Variants in ARMC2 observed in about 807,000 individuals in gnomAD.
ARMC2 encodes armadillo repeat containing 2, also known as armadillo repeat-containing protein 2.
In ARMC2, 67 loss-of-function variants were observed where a neutral mutation model predicts 90.3. The observed-to-expected ratio is 0.74, with a 90% CI of 0.61 to 0.91. The LOEUF is 0.91. Ranked by LOEUF, ARMC2 falls within the 40% of genes least tolerant of loss-of-function variation. ARMC2 has a pLI of 0.00. For missense variants in ARMC2, 920 were observed against 1,030.9 expected, an observed-to-expected ratio of 0.89 and a Z score of 1.47; for synonymous variants, 393 against 393.0, an observed-to-expected ratio of 1.00 and a Z score of 0.00.
chr6:108,909,538 T>C (rs959473716), intron 8 of ARMC2, among the ~76,000 whole-genome samples: 7 of 152,090 alleles, frequency 4.6e-5, no homozygotes, highest in Middle Eastern at 3.2e-3. Context: ...AATTTTCTTT[T>C]CTTTTTTTAT....
the ARMC2 span, among the ~76,000 whole-genome samples, chr6:109,034,949 T>C: frequency 1.3e-5 from 2 of 152,204 alleles, no homozygotes; most frequent in Admixed American, 1.3e-4. Context: ...AGGGTTTCTG[T>C]CACTGGAAGC....
At position 108,911,013 on chromosome 6, in the gene ARMC2, TC is replaced by T; in HGVS notation, c.1126+13del. ...TGACAGCATTCTGGGTGAGTGTCAT[TC>T]AGTGCTACTATTGAGCAAATGCTGT... On this transcript the variant is annotated intron_variant, in intron 9 of 17. Coordinates refer to ENST00000392644, the MANE Select transcript of ARMC2 (RefSeq NM_032131.6). 1 of 1,491,664 alleles carries T rather than the reference TC, an allele frequency of 6.7e-7. No individual in the cohort carries two copies. Among genetic ancestry groups the T allele is most frequent in the Non-Finnish European group, 9.2e-7 (1 of 1,088,264 alleles). 92.4% of individuals were successfully genotyped at this position (1,491,664 alleles called of 1,614,324 possible). A position where few individuals can be genotyped will look rare whatever the true frequency, so the allele number is the denominator to read the frequency against.
chr6:108,990,037 C>G, the ARMC2 span, among the ~76,000 whole-genome samples: 4 of 152,174 alleles, frequency 2.6e-5, no homozygotes, highest in African/African-American at 9.6e-5. Flanking sequence ...TGACCAGAGT[C>G]TCTGATAATA....
intron 10 of ARMC2, among the ~76,000 whole-genome samples, chr6:108,916,697 A>T (rs1459018204): frequency 6.6e-6 from 1 of 152,162 alleles, no homozygotes; most frequent in East Asian, 1.9e-4. Flanking sequence ...GGAAAGAGGG[A>T]CTTGTCAGTG....
chr6:108,851,190 G>T (rs1385937371), intron 1 of ARMC2, among the ~76,000 whole-genome samples: 1 of 152,056 alleles, frequency 6.6e-6, no homozygotes, highest in Admixed American at 6.6e-5. Flanking sequence ...ATGTCTTGAT[G>T]CTCTGCGCTG....
At chr6:108,879,179 CCCACCTAT>C (rs1379575941) in intron 5 of ARMC2, among the ~76,000 whole-genome samples, 1 of 150,004 alleles carries the variant, frequency 6.7e-6, no homozygotes, top group African/African-American at 2.5e-5. Flanking sequence ...CACCCATCCA[CCCACCTAT>C]CCACCTATCC....
intron 5 of ARMC2, among the ~76,000 whole-genome samples, chr6:108,878,756 C>T (rs145147168): frequency 6.6e-6 from 1 of 152,264 alleles, no homozygotes; most frequent in African/African-American, 2.4e-5. Flanking sequence ...TCTCCATATG[C>T]CCATTTAGGG....
rs146805632 is a variant in ARMC2 at position 108,971,878 on chromosome 6, G to A, written c.2447-1479G>A. 3.5e-3 allele frequency among the ~76,000 whole-genome samples: 526 copies of A among 148,574 alleles called. 5 individuals carry two copies. Among genetic ancestry groups the A allele is most frequent in the African/African-American group, 0.012 (486 of 40,076 alleles). Reference sequence around the variant, plus strand: ...AGAGGTTGCAGTGAGCCGAGACTGCGCCACTGCACTCCAGCCTGGGTGACA... The same window carrying A: ...AGAGGTTGCAGTGAGCCGAGACTGCACCACTGCACTCCAGCCTGGGTGACA... On this transcript the variant is annotated intron_variant, in intron 17 of 17. Transcript: ENST00000392644.
intron 5 of ARMC2, among the ~76,000 whole-genome samples, chr6:108,882,175 G>A (rs1046254330): frequency 6.6e-5 from 10 of 151,664 alleles, no homozygotes; most frequent in South Asian, 2.1e-4. Context: ...GGTGGCTCAC[G>A]CCTGTAATCC....
chr6:108,918,170 G>C (rs1307544867), intron 10 of ARMC2, among the ~76,000 whole-genome samples: 1 of 152,088 alleles, frequency 6.6e-6, no homozygotes, highest in Non-Finnish European at 1.5e-5. Flanking sequence ...AAGAGCAGAG[G>C]GACTGATGAC....
At chr6:108,935,085 C>G (rs1775851581) in intron 11 of ARMC2, among the ~76,000 whole-genome samples, 1 of 152,142 alleles carries the variant, frequency 6.6e-6, no homozygotes, top group Non-Finnish European at 1.5e-5. Context: ...TATCCTGGCT[C>G]TAGAATTCAT....
At chr6:108,984,750 A>C in the ARMC2 span, among the ~76,000 whole-genome samples, 1 of 152,166 alleles carries the variant, frequency 6.6e-6, no homozygotes, top group African/African-American at 2.4e-5. Flanking sequence ...TTGTGTGCTG[A>C]CTTTGTATCC....
intron 4 of ARMC2, among the ~76,000 whole-genome samples, chr6:108,871,847 C>T (rs1347462138): frequency 1.3e-5 from 2 of 152,222 alleles, no homozygotes; most frequent in Non-Finnish European, 2.9e-5. Context: ...ATGTTTTCAT[C>T]GTGGTTCTTT....
At chr6:108,883,870 A>G (rs1363583593) in intron 5 of ARMC2, among the ~76,000 whole-genome samples, 1 of 151,844 alleles carries the variant, frequency 6.6e-6, no homozygotes. Flanking sequence ...TCATTCTTCT[A>G]TCTTTTCCTC....
At chr6:108,937,404 C>T (rs991561543) in intron 12 of ARMC2, among the ~76,000 whole-genome samples, 3 of 152,244 alleles carry the variant, frequency 2.0e-5, no homozygotes, top group Non-Finnish European at 4.4e-5. Flanking sequence ...GTAGGACCTA[C>T]CTAGCCATCT....
At chr6:108,994,138 C>CT in the ARMC2 span, among the ~76,000 whole-genome samples, 1 of 88,328 alleles carries the variant, frequency 1.1e-5, no homozygotes, top group South Asian at 3.8e-4. Context: ...GACCCTGTTT[C>CT]TTAAAAAAAA....
chr6:108,979,320 C>T (rs1779041750), downstream of ARMC2, among the ~76,000 whole-genome samples: 1 of 152,112 alleles, frequency 6.6e-6, no homozygotes, highest in South Asian at 2.1e-4. Flanking sequence ...GAATATTGGC[C>T]CCACTCTCTT....
the ARMC2 span, among the ~76,000 whole-genome samples, chr6:108,994,237 C>T: frequency 6.6e-6 from 1 of 151,676 alleles, no homozygotes; most frequent in South Asian, 2.1e-4. Flanking sequence ...AATTTTAGTG[C>T]CAGAATCCAA....
intron 12 of ARMC2, among the ~76,000 whole-genome samples, chr6:108,950,106 T>G (rs1463869471): frequency 1.3e-5 from 2 of 152,116 alleles, no homozygotes; most frequent in African/African-American, 4.8e-5. Context: ...CTTGGGAGGC[T>G]GAGACAGAAG....
Sources: allele counts gnomAD v4.1 joint callset (sites outside exome capture counted in the v4.1 genomes callset), GRCh38; gene constraint gnomAD v4.1.1; transcripts MANE v1.5; gene names NCBI Gene and HGNC (gene_info 2026-07-23, HGNC 2026-07-21).